PKDREJ: variants seen among roughly 807,000 people sequenced by gnomAD.
The protein encoded by PKDREJ is polycystin family receptor for egg jelly.
For missense variants in PKDREJ, 2,507 were observed against 2,807.2 expected, an observed-to-expected ratio of 0.89 and a Z score of 2.42; for synonymous variants, 1,031 against 1,095.5, an observed-to-expected ratio of 0.94 and a Z score of 1.16.
In PKDREJ at chr22:46,259,631, C is replaced by A; in HGVS notation, c.3692G>T (p.Cys1231Phe). The change falls in exon 1 of 1, where the codon TGC (cysteine) becomes TTC (phenylalanine). Residue 1231 changes from cysteine to phenylalanine, a missense_variant. Physicochemically the swap from Cys to Phe is radical, Grantham distance 205. Coordinates refer to ENST00000253255, the MANE Select transcript of PKDREJ (RefSeq NM_006071.2). This position sits in a 1 kb window ranked among gnomAD's most constrained non-coding sequence, Gnocchi z 6.8. ...TCCTGTAAAAATAGTCACCAAGTAGCATAAATTATCATAAGGATCATTATC... is the reference window on the plus strand; with the variant it reads ...TCCTGTAAAAATAGTCACCAAGTAGAATAAATTATCATAAGGATCATTATC... The part of the protein sequence containing the change: ...LPDNDPYDNL[C>F]YLVTIFTGSR... 1 of 1,614,172 alleles carries A rather than the reference C, an allele frequency of 6.2e-7. No homozygotes were observed. The highest frequency in any genetic ancestry group is 8.5e-7 in the Non-Finnish European group (1 of 1,180,042).
rs1936707420 is a variant in PKDREJ at position 46,262,409 on chromosome 22, AAC to A, written c.912_913del (p.Phe305Ter). 2 of 1,613,676 alleles carry A rather than the reference AAC, an allele frequency of 1.2e-6. No homozygotes were observed. Among genetic ancestry groups the A allele is most frequent in the Non-Finnish European group, 8.5e-7 (1 of 1,179,826 alleles). ...TGTGGTGATGGACACCGTGAAATTA[AAC>A]ACATACACTCCCCACTGTAACGAAT... On this transcript the variant is annotated frameshift_variant, in exon 1 of 1. Coordinates refer to ENST00000253255, the MANE Select transcript of PKDREJ (RefSeq NM_006071.2). LOFTEE classifies it low-confidence loss of function (END_TRUNC). The surrounding 1 kb of genome is among the most constrained non-coding windows in gnomAD (Gnocchi z 8.1).
Position 46,260,402 on chromosome 22 carries a change from A to C in PKDREJ, c.2921T>G (p.Val974Gly). 4 of 1,614,032 alleles carry C rather than the reference A, an allele frequency of 2.5e-6. No individual in the cohort carries two copies. The highest frequency in any genetic ancestry group is 3.4e-6 in the Non-Finnish European group (4 of 1,179,962). Residue 974 changes from valine to glycine, a missense_variant, in exon 1 of 1, where the codon GTT becomes GGT. By Grantham distance (109) the Val-to-Gly change is moderately radical (BLOSUM62 -3). Coordinates refer to ENST00000253255, the MANE Select transcript of PKDREJ (RefSeq NM_006071.2). The surrounding 1 kb of genome is among the most constrained non-coding windows in gnomAD (Gnocchi z 4.5). ...FNLTVGPNSE[V>G]DGSLKKTTGG... ...TGTCGTCTTCTTCAAGGACCCATCA[A>C]CCTCGCTGTTGGGTCCCACTGTGAG...
In PKDREJ at chr22:46,260,085, C is replaced by A; in HGVS notation, c.3238G>T (p.Val1080Phe). 6.2e-7 allele frequency: 1 copy of A among 1,614,040 alleles called. No individual in the cohort carries two copies. The highest frequency in any genetic ancestry group is 8.5e-7 in the Non-Finnish European group (1 of 1,179,972). ...SHSPHCTVSI[V>F]LQAPRFVMKL... ...ATGACAAAACGAGGTGCCTGCAGAA[C>A]TATGGATACAGTACAGTGGGGAGAG... Residue 1080 changes from valine (V) to phenylalanine (F), a missense_variant, in exon 1 of 1, where the codon GTT becomes TTT. Coordinates refer to ENST00000253255, the MANE Select transcript of PKDREJ (RefSeq NM_006071.2). The surrounding 1 kb of genome is among the most constrained non-coding windows in gnomAD (Gnocchi z 4.5).
chr22:46,262,245 T>G lies in PKDREJ; in HGVS notation c.1078A>C (p.Thr360Pro). 1 of 1,614,206 alleles carries G rather than the reference T, an allele frequency of 6.2e-7. No individual in the cohort carries two copies. The highest frequency in any genetic ancestry group is 2.2e-5 in the East Asian group (1 of 44,886). Residue 360 changes from threonine to proline, a missense_variant, in exon 1 of 1, where the codon ACG (threonine) becomes CCG (proline). Thr to Pro is a conservative substitution (Grantham distance 38, BLOSUM62 -1). Transcript: ENST00000253255. The surrounding 1 kb of genome is among the most constrained non-coding windows in gnomAD (Gnocchi z 8.1). ...CTGTCCGCATCTGGGTCCGAGGACG[T>G]GGACCCGTCCAGAATCAGCTGCTCT... ...FTEQLILDGS[T>P]SSDPDADSPL...
Position 46,260,210 on chromosome 22 carries a change from G to A in PKDREJ, c.3113C>T (p.Ala1038Val), listed in dbSNP as rs1380697570. The A allele has an allele frequency of 6.2e-7, 1 of 1,614,154 alleles. No individual in the cohort carries two copies. The highest frequency in any genetic ancestry group is 1.1e-5 in the South Asian group (1 of 91,084). ...TGGGTCAAACAGGGCACTCTGGCTG[G>A]CAAATGGAGGGATGTCATGAGGCAC... ...FLVPHDIPPFASQSALFDPAC... is the reference protein window; with the variant it reads ...FLVPHDIPPFVSQSALFDPAC... Residue 1038 changes from alanine (A) to valine (V), a missense_variant, in exon 1 of 1, where the codon GCC becomes GTC. By Grantham distance (64) the Ala-to-Val change is moderately conservative. Coordinates refer to ENST00000253255, the MANE Select transcript of PKDREJ (RefSeq NM_006071.2). The surrounding 1 kb of genome is among the most constrained non-coding windows in gnomAD (Gnocchi z 4.5).
rs754133420 is a variant in PKDREJ, at chr22:46,258,344, A to G, written c.4979T>C (p.Leu1660Ser). The G allele has an allele frequency of 5.0e-6, 8 of 1,614,190 alleles. No homozygotes were observed. The highest frequency in any genetic ancestry group is 6.8e-6 in the Non-Finnish European group (8 of 1,180,030). Reference sequence around the variant, plus strand: ...TTCTGGATGCATACGCATTCCATCCAACCTGATCTCAGTATATTTATACTT... The same window carrying G: ...TTCTGGATGCATACGCATTCCATCCGACCTGATCTCAGTATATTTATACTT... ...STKYKYTEIR[L>S]DGMRMHPEEM... Residue 1660 changes from leucine to serine, a missense_variant, in exon 1 of 1, where the codon TTG becomes TCG. Physicochemically the swap from Leu to Ser is moderately radical, Grantham distance 145. Coordinates refer to ENST00000253255, the MANE Select transcript of PKDREJ (RefSeq NM_006071.2). This position sits in a 1 kb window ranked among gnomAD's most constrained non-coding sequence, Gnocchi z 6.1.
Position 46,257,443 on chromosome 22 carries a change from T to C in PKDREJ, c.5880A>G (p.Lys1960=). Residue 1960 remains lysine, a synonymous_variant, in exon 1 of 1, where the codon AAA becomes AAG. Transcript: ENST00000253255. The surrounding 1 kb of genome is among the most constrained non-coding windows in gnomAD (Gnocchi z 4.7). ...CATACAAGTAGATTTCTGCTGAAGC[T>C]TTTCTGTCAAAATCAGCAAGTGAAA... ...HSFSLADFDR[K]ASAEIYLYVA... 6.2e-7 allele frequency: 1 copy of C among 1,614,046 alleles called. No individual in the cohort carries two copies. Among genetic ancestry groups the C allele is most frequent in the Non-Finnish European group, 8.5e-7 (1 of 1,180,022 alleles).
In PKDREJ at chr22:46,258,357, T is replaced by A. The variant is rs746817224; in HGVS notation, c.4966A>T (p.Thr1656Ser). 6.2e-7 allele frequency: 1 copy of A among 1,614,182 alleles called. No individual in the cohort carries two copies. The highest frequency in any genetic ancestry group is 8.5e-7 in the Non-Finnish European group (1 of 1,180,042). The change falls in exon 1 of 1, where the codon ACT becomes TCT. Residue 1656 changes from threonine (T) to serine (S), a missense_variant. Thr to Ser is a moderately conservative substitution (Grantham distance 58). Coordinates refer to ENST00000253255, the MANE Select transcript of PKDREJ (RefSeq NM_006071.2). This position sits in a 1 kb window ranked among gnomAD's most constrained non-coding sequence, Gnocchi z 6.1. Reference protein sequence around the residue: ...NLSWSTKYKYTEIRLDGMRMH... With the variant: ...NLSWSTKYKYSEIRLDGMRMH... Reference sequence around the variant, plus strand: ...CGCATTCCATCCAACCTGATCTCAGTATATTTATACTTGGTTGACCATGAA... The same window carrying A: ...CGCATTCCATCCAACCTGATCTCAGAATATTTATACTTGGTTGACCATGAA...
Position 46,262,743 on chromosome 22 carries a change from G to A in PKDREJ, c.580C>T (p.Gln194Ter). 1.9e-6 allele frequency: 3 copies of A among 1,600,146 alleles called. No homozygotes were observed. The highest frequency in any genetic ancestry group is 2.6e-6 in the Non-Finnish European group (3 of 1,173,764). ...PTDGPARVMLQAVNSSSHRAV... is the reference protein window; with the variant it reads ...PTDGPARVML ...CTGTGGCTGGACGAGTTGACGGCCT[G>A]CAACATCACGCGCGCGGGGCCGTCT... The change falls in exon 1 of 1, where the codon CAG becomes TAG. Residue 194 changes from glutamine (Q) to a stop codon, truncating the protein, a stop_gained. Coordinates refer to ENST00000253255, the MANE Select transcript of PKDREJ (RefSeq NM_006071.2). LOFTEE classifies it low-confidence loss of function (END_TRUNC). This position sits in a 1 kb window ranked among gnomAD's most constrained non-coding sequence, Gnocchi z 8.1.
At position 46,262,686 on chromosome 22, in the gene PKDREJ, TTA is replaced by T; in HGVS notation, c.635_636del (p.Ile212LysfsTer84). On this transcript the variant is annotated frameshift_variant, in exon 1 of 1. Transcript: ENST00000253255. LOFTEE classifies it low-confidence loss of function (END_TRUNC). The surrounding 1 kb of genome is among the most constrained non-coding windows in gnomAD (Gnocchi z 8.1). ...CTCACGCGCTGGATGACGCAGGCGT[TTA>T]TCTGACAGGACACGGACGACTCGAC... ...RAVESSVSCQ[I>X]NACVIQRVRI... 6.2e-7 allele frequency: 1 copy of T among 1,613,086 alleles called. No homozygotes were observed. Among genetic ancestry groups the T allele is most frequent in the Non-Finnish European group, 8.5e-7 (1 of 1,179,762 alleles).
rs780082410 is a variant in PKDREJ, at chr22:46,262,445, A to AT, written c.877dup (p.Ile293AsnfsTer4). The AT allele has an allele frequency of 4.3e-5, 69 of 1,606,302 alleles. No individual in the cohort carries two copies. Among genetic ancestry groups the AT allele is most frequent in the Non-Finnish European group, 4.9e-5 (58 of 1,175,380 alleles). ...TCCCCACTGTAACGAATTATTGGGG[A>AT]TGTGAATGAACAAGGGGCTGTTCCT... On this transcript the variant is annotated frameshift_variant, in exon 1 of 1. Coordinates refer to ENST00000253255, the MANE Select transcript of PKDREJ (RefSeq NM_006071.2). LOFTEE classifies it low-confidence loss of function (END_TRUNC). The surrounding 1 kb of genome is among the most constrained non-coding windows in gnomAD (Gnocchi z 8.1).
Position 46,261,130 on chromosome 22 carries a change from G to A in PKDREJ, c.2193C>T (p.Val731=), listed in dbSNP as rs150199139. The change falls in exon 1 of 1, where the codon GTC becomes GTT. Residue 731 remains valine, a synonymous_variant. Coordinates refer to ENST00000253255, the MANE Select transcript of PKDREJ (RefSeq NM_006071.2). This position sits in a 1 kb window ranked among gnomAD's most constrained non-coding sequence, Gnocchi z 7.1. ...GATCGATGAGGTGTTTTCGGAGATT[G>A]ACTCTGTCATCTCGGAGAGGTAATT... ...KTELPLRDDR[V]NLRKHLIDQS... 56 of 1,613,832 alleles carry A rather than the reference G, an allele frequency of 3.5e-5. No individual in the cohort carries two copies. In the African/African-American group the frequency reaches 6.3e-4, roughly 18 times the overall value.
In PKDREJ at chr22:46,262,910, C is replaced by G. The variant is rs1038312070; in HGVS notation, c.413G>C (p.Arg138Pro). 99 of 1,069,002 alleles carry G rather than the reference C, an allele frequency of 9.3e-5. No homozygotes were observed. The highest frequency in any genetic ancestry group is 1.1e-4 in the Non-Finnish European group (97 of 885,776). 66.2% of individuals were successfully genotyped at this position (1,069,002 alleles called of 1,614,324 possible). The change falls in exon 1 of 1, where the codon CGC becomes CCC. Residue 138 changes from arginine to proline, a missense_variant. Coordinates refer to ENST00000253255, the MANE Select transcript of PKDREJ (RefSeq NM_006071.2). The surrounding 1 kb of genome is among the most constrained non-coding windows in gnomAD (Gnocchi z 8.1). ...CCGCAGGCGGAAGGCCCAGGCCAGG[C>G]GCCCGGGCGAGCGCGGCAGCCGCAC... is the stretch of plus-strand genomic sequence containing the variant. ...WSVRLPRSPG[R>P]LAWAFRLRLL...
chr22:46,258,495 A>G lies in PKDREJ; in HGVS notation c.4828T>C (p.Trp1610Arg), dbSNP rs1344758325. 13 of 1,614,080 alleles carry G rather than the reference A, an allele frequency of 8.1e-6. No homozygotes were observed. The highest frequency in any genetic ancestry group is 9.3e-6 in the Non-Finnish European group (11 of 1,180,002). ...LTYGYDKSIE[W>R]LFASFCSFCQ... The stretch of plus-strand genomic sequence containing the variant: ...AATGAACAAAAAGATGCAAAGAGCC[A>G]TTCTATTGACTTGTCATAGCCGTAA... Residue 1610 changes from tryptophan (W) to arginine (R), a missense_variant, in exon 1 of 1, where the codon TGG becomes CGG. By Grantham distance (101) the Trp-to-Arg change is moderately radical. Transcript: ENST00000253255. The surrounding 1 kb of genome is among the most constrained non-coding windows in gnomAD (Gnocchi z 6.1).
Position 46,261,861 on chromosome 22 carries a change from G to A in PKDREJ, c.1462C>T (p.Arg488Cys), listed in dbSNP as rs368984045. 5.0e-6 allele frequency: 8 copies of A among 1,613,636 alleles called. No individual in the cohort carries two copies. The African/African-American group carries it at 5.3e-5, about 11-fold the overall frequency. The change falls in exon 1 of 1, where the codon CGT becomes TGT. Residue 488 changes from arginine to cysteine, a missense_variant. By Grantham distance (180) the Arg-to-Cys change is radical (BLOSUM62 -3). Coordinates refer to ENST00000253255, the MANE Select transcript of PKDREJ (RefSeq NM_006071.2). This position sits in a 1 kb window ranked among gnomAD's most constrained non-coding sequence, Gnocchi z 7.1. ...LFLNCTNCAS[R>C]DFYKWSILSS... ...AAAATTGACCATTTATAGAAATCAC[G>A]GCTTGCACAATTTGTGCAATTTAGG... is the stretch of plus-strand genomic sequence containing the variant.
At position 46,259,702 on chromosome 22, in the gene PKDREJ, C is replaced by T. The variant is rs756289822; in HGVS notation, c.3621G>A (p.Arg1207=). Residue 1207 remains arginine, a synonymous_variant, in exon 1 of 1, where the codon AGG becomes AGA. Transcript: ENST00000253255. The surrounding 1 kb of genome is among the most constrained non-coding windows in gnomAD (Gnocchi z 6.8). The part of the protein sequence containing the change: ...YVGLAFWALY[R]DEMDQHLRGH... ...CCCGAAGATGCTGGTCCATTTCATC[C>T]CTGTATAAAGCCCAAAAAGCTAGGC... 2 of 1,614,068 alleles carry T rather than the reference C, an allele frequency of 1.2e-6. No individual in the cohort carries two copies. The highest frequency in any genetic ancestry group is 1.7e-6 in the Non-Finnish European group (2 of 1,180,014).
In PKDREJ at chr22:46,258,107, T is replaced by C. The variant is rs535110688; in HGVS notation, c.5216A>G (p.Tyr1739Cys). The C allele has an allele frequency of 3.1e-5, 50 of 1,614,108 alleles. 1 individual carries two copies. The highest frequency in any genetic ancestry group is 4.1e-5 in the Non-Finnish European group (48 of 1,179,990). ...VLLRHTDCFY[Y>C]NQFIRDRFSM... Reference sequence around the variant, plus strand: ...GAACCGATCACGAATAAACTGGTTATAGTAAAAGCAGTCAGTGTGACGTAG... The same window carrying C: ...GAACCGATCACGAATAAACTGGTTACAGTAAAAGCAGTCAGTGTGACGTAG... Residue 1739 changes from tyrosine to cysteine, a missense_variant, in exon 1 of 1, where the codon TAT (tyrosine) becomes TGT (cysteine). Tyr to Cys is a radical substitution (Grantham distance 194). Coordinates refer to ENST00000253255, the MANE Select transcript of PKDREJ (RefSeq NM_006071.2). This position sits in a 1 kb window ranked among gnomAD's most constrained non-coding sequence, Gnocchi z 6.1.
In PKDREJ at chr22:46,260,818, T is replaced by G. The variant is rs754499059; in HGVS notation, c.2505A>C (p.Glu835Asp). ...QVVKDPFYVIESLSDTILANK... is the reference protein window; with the variant it reads ...QVVKDPFYVIDSLSDTILANK... Reference sequence around the variant, plus strand: ...TAGCCAGTATTGTGTCTGATAGAGATTCTATTACATAGAAAGGATCTTTAA... The same window carrying G: ...TAGCCAGTATTGTGTCTGATAGAGAGTCTATTACATAGAAAGGATCTTTAA... The change falls in exon 1 of 1, where the codon GAA becomes GAC. Residue 835 changes from glutamate (E) to aspartate (D), a missense_variant. Glu to Asp is a conservative substitution (Grantham distance 45, BLOSUM62 2). Transcript: ENST00000253255. This position sits in a 1 kb window ranked among gnomAD's most constrained non-coding sequence, Gnocchi z 4.5. 5 of 1,614,060 alleles carry G rather than the reference T, an allele frequency of 3.1e-6. No homozygotes were observed. The South Asian group carries it at 5.5e-5, about 18-fold the overall frequency.
rs753301598 is a variant in PKDREJ at position 46,261,318 on chromosome 22, C to G, written c.2005G>C (p.Ala669Pro). 14 of 1,613,748 alleles carry G rather than the reference C, an allele frequency of 8.7e-6. No individual in the cohort carries two copies. The highest frequency in any genetic ancestry group is 1.2e-5 in the Non-Finnish European group (14 of 1,180,022). ...TTTGATGAATTTTTGTCAGTGGGAG[C>G]CTGTGCGGTGGCATGCAAAGTCACC... ...SQVTLHATAQ[A>P]PTDKNSSKTV... The change falls in exon 1 of 1, where the codon GCT (alanine) becomes CCT (proline). Residue 669 changes from alanine to proline, a missense_variant. Ala to Pro is a conservative substitution (Grantham distance 27). Coordinates refer to ENST00000253255, the MANE Select transcript of PKDREJ (RefSeq NM_006071.2). This position sits in a 1 kb window ranked among gnomAD's most constrained non-coding sequence, Gnocchi z 7.1.
Sources: allele counts gnomAD v4.1 joint callset, GRCh38; gene constraint gnomAD v4.1.1; non-coding constraint Gnocchi (gnomAD v3.1); transcripts MANE v1.5; gene names NCBI Gene and HGNC (gene_info 2026-07-23, HGNC 2026-07-21).